RNF14: variants seen among roughly 807,000 people sequenced by gnomAD.
RNF14 encodes the protein E3 ubiquitin-protein ligase RNF14.
In RNF14, 26 loss-of-function variants were observed where a neutral mutation model predicts 52.6. The observed-to-expected ratio is 0.49, with a 90% CI of 0.36 to 0.69. The LOEUF is 0.69. Ranked by LOEUF, RNF14 falls within the 30% of genes least tolerant of loss-of-function variation. The pLI is 0.00. For missense variants in RNF14, 404 were observed against 560.4 expected, an observed-to-expected ratio of 0.72 and a Z score of 2.82; for synonymous variants, 194 against 202.0, an observed-to-expected ratio of 0.96 and a Z score of 0.34.
intron 4 of RNF14, among the ~76,000 whole-genome samples, chr5:141,976,774 CTCTTTTTTTTTTTTTT>C (rs1754296676): frequency 7.1e-6 from 1 of 140,866 alleles, no homozygotes; most frequent in African/African-American, 2.6e-5. Context: ...GCCTTTCTCT[CTCTTTTTTTTTTTTTT>C]TTTTTTTTTT....
upstream of RNF14, among the ~76,000 whole-genome samples, chr5:141,964,229 C>T (rs1255982017): frequency 1.3e-5 from 2 of 152,172 alleles, no homozygotes; most frequent in Non-Finnish European, 2.9e-5. Context: ...GGAAGCTGGT[C>T]ACGCAGGTAA....
At chr5:141,965,556 C>G (rs1753326584), upstream of RNF14, among the ~76,000 whole-genome samples, 2 of 152,204 alleles carry the variant, frequency 1.3e-5, no homozygotes, top group Admixed American at 6.5e-5. Flanking sequence ...CTATTTTACT[C>G]TCTGTGAATT....
At chr5:141,955,295 G>A (rs1295008805), upstream of RNF14, 11 of 1,614,110 alleles carry the variant, frequency 6.8e-6, no homozygotes, top group African/African-American at 1.3e-4. This position sits in a 1 kb window ranked among gnomAD's most constrained non-coding sequence, Gnocchi z 5.5. Context: ...CTCTGCCTGG[G>A]ATGGTTGAAA....
At chr5:141,954,789 A>G (rs1282335718), upstream of RNF14, among the ~76,000 whole-genome samples, 2 of 152,248 alleles carry the variant, frequency 1.3e-5, no homozygotes, top group African/African-American at 2.4e-5. Flanking sequence ...TTTGCCTAGG[A>G]TCACACAGCT....
At chr5:141,960,431 G>T (rs116397471) in intron 1 of RNF14, among the ~76,000 whole-genome samples, 1 of 152,200 alleles carries the variant, frequency 6.6e-6, no homozygotes, top group Non-Finnish European at 1.5e-5. Context: ...GGTGGCAGGG[G>T]CAAAATGGGC....
At chr5:141,972,823 G>A (rs969492385) in intron 2 of RNF14, among the ~76,000 whole-genome samples, 5 of 152,132 alleles carry the variant, frequency 3.3e-5, no homozygotes, top group African/African-American at 9.6e-5. Flanking sequence ...ACTCCTGACT[G>A]CAGGTGATTT....
At chr5:141,983,586 G>A (rs1754971082) in intron 7 of RNF14, 34 bp downstream of exon 7, 1 of 1,566,774 alleles carries the variant, frequency 6.4e-7, no homozygotes, top group South Asian at 1.2e-5. Context: ...GAGGCCATCA[G>A]ACTTGCAAGG....
upstream of RNF14, among the ~76,000 whole-genome samples, chr5:141,964,774 C>T (rs1011161749): frequency 6.4e-5 from 7 of 108,674 alleles, no homozygotes; most frequent in African/African-American, 1.4e-4. Flanking sequence ...CCACCAAGCC[C>T]GGCTAATTTT....
At chr5:141,962,331 A>T (rs918539342), upstream of RNF14, among the ~76,000 whole-genome samples, 2 of 152,222 alleles carry the variant, frequency 1.3e-5, no homozygotes, top group Non-Finnish European at 2.9e-5. Flanking sequence ...TAACAGCGGC[A>T]GTTCTCAAAA....
In RNF14 at chr5:141,980,201, G is replaced by A. The variant is rs1388938632; in HGVS notation, c.913G>A (p.Asp305Asn). The change falls in exon 6 of 9, where the codon GAT becomes AAT. Residue 305 changes from aspartate to asparagine, a missense_variant. Physicochemically the swap from Asp to Asn is conservative, Grantham distance 23 (BLOSUM62 1). Transcript: ENST00000394520. ...LLQSSLDLMA[D>N]VVYCPRPCCQ... Reference sequence around the variant, plus strand: ...CCAGTCCTCCTTGGACCTGATGGCAGATGTGGTGTACTGCCCCCGGCCGTG... The same window carrying A: ...CCAGTCCTCCTTGGACCTGATGGCAAATGTGGTGTACTGCCCCCGGCCGTG... The A allele has an allele frequency of 6.2e-7, 1 of 1,614,230 alleles. No homozygotes were observed. Among genetic ancestry groups the A allele is most frequent in the South Asian group, 1.1e-5 (1 of 91,086 alleles).
chr5:141,958,829 G>C (rs1753228177), intron 1 of RNF14: 1 of 152,346 alleles, frequency 6.6e-6, no homozygotes, highest in Admixed American at 6.5e-5. Flanking sequence ...TAAACGAAAT[G>C]ATGTAGGAAG....
At chr5:141,954,842 C>T (rs1243425133), upstream of RNF14, 3 of 1,247,464 alleles carry the variant, frequency 2.4e-6, no homozygotes, top group African/African-American at 4.5e-5. Flanking sequence ...CCATTGCTAC[C>T]CAAAGCATCA....
At chr5:141,957,332 G>C (rs766519731), upstream of RNF14, 3 of 1,613,616 alleles carry the variant, frequency 1.9e-6, no homozygotes, top group Non-Finnish European at 1.7e-6. This position sits in a 1 kb window ranked among gnomAD's most constrained non-coding sequence, Gnocchi z 4.3. Context: ...CTGGGAGACA[G>C]AGTGTAGGTG....
chr5:141,986,580 C>T (rs1755253877), intron 8 of RNF14, among the ~76,000 whole-genome samples: 1 of 152,180 alleles, frequency 6.6e-6, no homozygotes, highest in Non-Finnish European at 1.5e-5. Flanking sequence ...TATTGTTTAT[C>T]CTTGGCCCTG....
At chr5:141,963,447 A>G (rs1205587624), upstream of RNF14, among the ~76,000 whole-genome samples, 2 of 152,136 alleles carry the variant, frequency 1.3e-5, no homozygotes, top group Non-Finnish European at 2.9e-5. Flanking sequence ...AACAGAAAAA[A>G]AAATCAAACA....
upstream of RNF14, chr5:141,955,733 G>C: frequency 2.5e-6 from 4 of 1,614,088 alleles, no homozygotes; most frequent in Non-Finnish European, 3.4e-6. The surrounding 1 kb of genome is among the most constrained non-coding windows in gnomAD (Gnocchi z 5.5). Flanking sequence ...CCAGGCTTGC[G>C]GGCTGAGTCC....
upstream of RNF14, chr5:141,957,811 G>A (rs2126931522): frequency 6.2e-7 from 1 of 1,602,482 alleles, no homozygotes; most frequent in Non-Finnish European, 8.5e-7. The surrounding 1 kb of genome is among the most constrained non-coding windows in gnomAD (Gnocchi z 4.3). Flanking sequence ...GTAGCCACCT[G>A]GCCCCAAAAG....
chr5:141,972,422 T>C (rs773427475), intron 2 of RNF14, among the ~76,000 whole-genome samples: 4 of 151,628 alleles, frequency 2.6e-5, no homozygotes, highest in African/African-American at 9.7e-5. Context: ...ACAGCTCTTG[T>C]GGGTGGAAGC....
In RNF14 at chr5:141,978,594, G is replaced by A. The variant is rs761290089; in HGVS notation, c.598G>A (p.Glu200Lys). The stretch of plus-strand genomic sequence containing the variant: ...GGAATCACTGTCAAATCTGATCCAG[G>A]AAATCTTGGACTTTGATCAAGCTCA... ...DVESLSNLIQ[E>K]ILDFDQAQQI... The change falls in exon 5 of 9, where the codon GAA (glutamate) becomes AAA (lysine). Residue 200 changes from glutamate to lysine, a missense_variant. By Grantham distance (56) the Glu-to-Lys change is moderately conservative (BLOSUM62 1). Transcript: ENST00000394520. 2 of 1,614,008 alleles carry A rather than the reference G, an allele frequency of 1.2e-6. No individual in the cohort carries two copies. The highest frequency in any genetic ancestry group is 1.7e-6 in the Non-Finnish European group (2 of 1,179,922).
Sources: gnomAD v4.1 joint callset for allele counts (sites outside exome capture counted in the v4.1 genomes callset) on GRCh38, gnomAD v4.1.1 for gene constraint, Gnocchi (gnomAD v3.1) non-coding constraint, MANE v1.5 for transcripts, NCBI Gene and HGNC (gene_info 2026-07-23, HGNC 2026-07-21) for gene names.